The following NBAS variants were observed in gnomAD, a reference collection of about 807,000 sequenced individuals.
The protein encoded by NBAS is NBAS subunit of NRZ tethering complex.
Under a neutral mutation model 302.5 loss-of-function variants are expected in NBAS, and 219 were observed. That is an observed-to-expected ratio of 0.72 (90% CI 0.65 to 0.81). The LOEUF is 0.81. NBAS is among the 30% of genes least tolerant of loss of function. The pLI is 0.00. For missense variants in NBAS, 2,932 were observed against 2,841.6 expected, an observed-to-expected ratio of 1.03 and a Z score of -0.72; for synonymous variants, 1,118 against 1,021.6, an observed-to-expected ratio of 1.09 and a Z score of -1.80.
chr2:15,160,945 T>C, the NBAS span, among the ~76,000 whole-genome samples: 191 of 152,326 alleles, frequency 1.3e-3, no homozygotes, highest in Non-Finnish European at 2.3e-3. Flanking sequence ...AGATCCTGGA[T>C]ACATGGGGTG....
At chr2:15,021,185 T>A in the NBAS span, among the ~76,000 whole-genome samples, 2,134 of 151,912 alleles carry the variant, frequency 0.014, 60 homozygotes, top group African/African-American at 0.05. Context: ...GTGAGCCGAG[T>A]TCTTGCCACT....
chr2:15,451,975 T>A (rs1175902592), intron 21 of NBAS, among the ~76,000 whole-genome samples: 1 of 151,132 alleles, frequency 6.6e-6, no homozygotes, highest in Non-Finnish European at 1.5e-5. Flanking sequence ...CAGAAGTATA[T>A]CATACCTTGA....
At chr2:15,067,381 A>T in the NBAS span, among the ~76,000 whole-genome samples, 1 of 32,024 alleles carries the variant, frequency 3.1e-5, no homozygotes, top group Non-Finnish European at 7.2e-5. Flanking sequence ...AGAGGAGAGG[A>T]GAGGAGGGGA....
intron 28 of NBAS, among the ~76,000 whole-genome samples, chr2:15,387,283 G>C (rs1404657003): frequency 1.3e-5 from 2 of 151,976 alleles, no homozygotes; most frequent in African/African-American, 2.4e-5. Flanking sequence ...TAGCCAGAAT[G>C]GTCTCCATCT....
At chr2:15,241,722 A>G (rs953043645) in intron 44 of NBAS, among the ~76,000 whole-genome samples, 1 of 152,236 alleles carries the variant, frequency 6.6e-6, no homozygotes, top group African/African-American at 2.4e-5. Flanking sequence ...TGGATAAAAT[A>G]CATGTGCCAT....
At chr2:14,799,797 A>G in the NBAS span, among the ~76,000 whole-genome samples, 1 of 152,142 alleles carries the variant, frequency 6.6e-6, no homozygotes, top group African/African-American at 2.4e-5. Context: ...AGAATTGACA[A>G]TTCTTTTATT....
chr2:15,400,238 GAA>G (rs553490069), intron 26 of NBAS, among the ~76,000 whole-genome samples: 1 of 135,104 alleles, frequency 7.4e-6, no homozygotes, highest in African/African-American at 2.7e-5. Context: ...AAGAGACAGA[GAA>G]AAAAAAAAAC....
chr2:15,501,489 A>G (rs1558393946), intron 11 of NBAS, among the ~76,000 whole-genome samples: 1 of 151,964 alleles, frequency 6.6e-6, no homozygotes, highest in Non-Finnish European at 1.5e-5. Flanking sequence ...CAATATGACA[A>G]TCACTGTCTT....
chr2:14,898,106 T>G, the NBAS span, among the ~76,000 whole-genome samples: 1 of 152,206 alleles, frequency 6.6e-6, no homozygotes, highest in African/African-American at 2.4e-5. Flanking sequence ...TCCGCTAACT[T>G]GGACAATTTA....
chr2:14,806,922 TG>T, the NBAS span, among the ~76,000 whole-genome samples: 2,791 of 152,352 alleles, frequency 0.018, 30 homozygotes, highest in Middle Eastern at 0.027. Context: ...CAGACCTCCC[TG>T]GGGGTACATG....
chr2:15,345,092 T>A (rs1673027553), intron 35 of NBAS, among the ~76,000 whole-genome samples: 1 of 152,126 alleles, frequency 6.6e-6, no homozygotes, highest in Non-Finnish European at 1.5e-5. Flanking sequence ...CTTTGAAAAC[T>A]GGTACAAGAC....
intron 28 of NBAS, among the ~76,000 whole-genome samples, chr2:15,383,972 C>T (rs1204796664): frequency 6.6e-6 from 1 of 152,154 alleles, no homozygotes; most frequent in Non-Finnish European, 1.5e-5. Context: ...GCTGGCATTG[C>T]TGTGTCCGGC....
intron 21 of NBAS, among the ~76,000 whole-genome samples, chr2:15,451,408 C>A (rs1679004714): frequency 6.6e-6 from 1 of 152,092 alleles, no homozygotes; most frequent in South Asian, 2.1e-4. Flanking sequence ...ATAAAAAAGA[C>A]AGTTCAAATT....
chr2:15,163,451 C>T (rs1312649148), downstream of NBAS, among the ~76,000 whole-genome samples: 1 of 152,192 alleles, frequency 6.6e-6, no homozygotes, highest in Non-Finnish European at 1.5e-5. Context: ...TCTTGGGGAC[C>T]ACCCCTAGAC....
At chr2:14,859,811 C>T in the NBAS span, among the ~76,000 whole-genome samples, 3 of 151,928 alleles carry the variant, frequency 2.0e-5, no homozygotes, top group Admixed American at 6.6e-5. Context: ...CAAAGGCAAT[C>T]AAAGCAAAAA....
intron 40 of NBAS, among the ~76,000 whole-genome samples, chr2:15,295,597 T>C (rs999986365): frequency 4.6e-5 from 7 of 152,266 alleles, no homozygotes; most frequent in Non-Finnish European, 7.3e-5. Context: ...AAAGGAATTA[T>C]GGAATTGGCT....
chr2:15,071,231 G>A, the NBAS span, among the ~76,000 whole-genome samples: 1 of 152,188 alleles, frequency 6.6e-6, no homozygotes, highest in Admixed American at 6.5e-5. Context: ...CTCTCCCTTA[G>A]GAGACTTTCA....
At chr2:15,313,074 A>G (rs1671349858) in intron 38 of NBAS, among the ~76,000 whole-genome samples, 1 of 152,202 alleles carries the variant, frequency 6.6e-6, no homozygotes, top group African/African-American at 2.4e-5. Context: ...AATCTTCATT[A>G]GTTTCCCATT....
chr2:14,823,207 A>G, the NBAS span, among the ~76,000 whole-genome samples: 1 of 152,216 alleles, frequency 6.6e-6, no homozygotes, highest in Non-Finnish European at 1.5e-5. Flanking sequence ...TAGCCAATCC[A>G]TTTTTTGTAC....
Sources: allele counts gnomAD v4.1 joint callset (sites outside exome capture counted in the v4.1 genomes callset), GRCh38; gene constraint gnomAD v4.1.1; transcripts MANE v1.5; gene names NCBI Gene and HGNC (gene_info 2026-07-23, HGNC 2026-07-21).